The following TSPAN15 variants were observed in gnomAD, a reference collection of about 807,000 sequenced individuals.
The protein encoded by TSPAN15 is tetraspanin 15.
A neutral mutation model predicts 34.5 loss-of-function variants in TSPAN15; 20 were observed. That is an observed-to-expected ratio of 0.58 (90% CI 0.41 to 0.84). The LOEUF (loss-of-function observed/expected upper bound fraction) is 0.84. Among genes scored for constraint, TSPAN15 ranks in the 40% least tolerant of loss-of-function variants. The pLI is 0.00. For missense variants in TSPAN15, 313 were observed against 386.1 expected (o/e 0.81, Z 1.59); for synonymous variants, 155 against 153.9 (o/e 1.01, Z -0.05).
the TSPAN15 span, among the ~76,000 whole-genome samples, chr10:69,529,612 A>G: frequency 6.8e-6 from 1 of 147,910 alleles, no homozygotes; most frequent in African/African-American, 2.5e-5. Flanking sequence ...AATGTTTCTC[A>G]TTGTTAGGTG....
At chr10:69,538,195 G>T in the TSPAN15 span, among the ~76,000 whole-genome samples, 1 of 152,146 alleles carries the variant, frequency 6.6e-6, no homozygotes, top group Admixed American at 6.5e-5. Flanking sequence ...ATGGAGGGGG[G>T]AAACAAACAT....
chr10:69,504,066 G>A (rs760518218), intron 5 of TSPAN15, among the ~76,000 whole-genome samples: 17 of 152,298 alleles, frequency 1.1e-4, no homozygotes, highest in East Asian at 9.6e-4. Context: ...AAGAGCCAGC[G>A]GCGCAGGAAC....
At chr10:69,475,027 C>G (rs1841586763) in intron 1 of TSPAN15, among the ~76,000 whole-genome samples, 1 of 152,162 alleles carries the variant, frequency 6.6e-6, no homozygotes, top group African/African-American at 2.4e-5. Flanking sequence ...ACGCTGGGGA[C>G]ACAGCCTTGG....
chr10:69,481,847 C>G (rs1841741002), intron 1 of TSPAN15, among the ~76,000 whole-genome samples: 1 of 152,210 alleles, frequency 6.6e-6, no homozygotes, highest in South Asian at 2.1e-4. Flanking sequence ...GAACATGAGG[C>G]CCAGAAAGTC....
At position 69,494,361 on chromosome 10, in the gene TSPAN15, A is replaced by G. The variant is rs185638070; in HGVS notation, c.358-1233A>G. Among the ~76,000 whole-genome samples the G allele has an allele frequency of 3.9e-5, 6 of 152,344 alleles. No homozygotes were observed. In the East Asian group the frequency reaches 1.2e-3, roughly 29 times the overall value. On this transcript the variant is annotated intron_variant, in intron 3 of 7. Transcript: ENST00000373290. ...TTGAATAATAACACCAGGACCTACA[A>G]TGTGCCTGGTGTCCTGCTAAACACC...
chr10:69,482,969 TTTTTTTTTG>T (rs774646543), intron 1 of TSPAN15, among the ~76,000 whole-genome samples: 5 of 52,456 alleles, frequency 9.5e-5, no homozygotes, highest in Non-Finnish European at 1.9e-4. Context: ...GGGTTGATTT[TTTTTTTTTG>T]TTGTTGTTGT....
At chr10:69,454,228 A>G (rs776410375) in intron 1 of TSPAN15, among the ~76,000 whole-genome samples, 25 of 152,184 alleles carry the variant, frequency 1.6e-4, no homozygotes, top group Non-Finnish European at 3.5e-4. Context: ...TTTAAAAATT[A>G]CTACTGGGGC....
At chr10:69,522,535 A>G in the TSPAN15 span, among the ~76,000 whole-genome samples, 78 of 146,622 alleles carry the variant, frequency 5.3e-4, 6 homozygotes, top group African/African-American at 1.8e-3. Context: ...GGCTACAGAC[A>G]GGTACTGGTC....
chr10:69,497,164 A>C (rs1842103191), intron 4 of TSPAN15, among the ~76,000 whole-genome samples: 1 of 152,172 alleles, frequency 6.6e-6, no homozygotes, highest in African/African-American at 2.4e-5. Flanking sequence ...ATTGCAAGAC[A>C]AATGCCCTTT....
At chr10:69,454,762 A>C (rs1195900278) in intron 1 of TSPAN15, among the ~76,000 whole-genome samples, 1 of 152,128 alleles carries the variant, frequency 6.6e-6, no homozygotes. Flanking sequence ...GGTTGAAGTG[A>C]GTTGAGATTG....
chr10:69,539,482 GAGAAGAAGA>G, the TSPAN15 span, among the ~76,000 whole-genome samples: 107 of 67,050 alleles, frequency 1.6e-3, 1 homozygote, highest in South Asian at 2.5e-3. Context: ...GAAGGAGAAG[GAGAAGAAGA>G]AGAAGAAGAA....
At chr10:69,548,014 A>G in the TSPAN15 span, among the ~76,000 whole-genome samples, 1 of 152,364 alleles carries the variant, frequency 6.6e-6, no homozygotes, top group Middle Eastern at 3.4e-3. Context: ...GGGGATGAAG[A>G]GCTCTGAAGG....
intron 1 of TSPAN15, among the ~76,000 whole-genome samples, chr10:69,467,991 C>T (rs1031217751): frequency 3.3e-5 from 5 of 152,142 alleles, no homozygotes; most frequent in Non-Finnish European, 4.4e-5. Flanking sequence ...TACTTGCCTA[C>T]GTTGTACCTG....
chr10:69,477,237 T>C (rs111728393), intron 1 of TSPAN15, among the ~76,000 whole-genome samples: 9,419 of 151,924 alleles, frequency 0.062, 1,008 homozygotes, highest in African/African-American at 0.22. Flanking sequence ...CGGGTTCAAG[T>C]GATTCTCCTG....
At position 69,451,481 on chromosome 10, in the gene TSPAN15, AC is replaced by A; in HGVS notation, c.-113del. On this transcript the variant is annotated 5_prime_UTR_variant, in exon 1 of 8. Transcript: ENST00000373290. The stretch of plus-strand genomic sequence containing the variant: ...CGCTCCAGTGTCAGTCCCGGAGAGA[AC>A]GCCGGTGGCGGGGCTGGTAGCCCGG... 2 of 1,289,970 alleles carry A rather than the reference AC, an allele frequency of 1.6e-6. No individual in the cohort carries two copies. Among genetic ancestry groups the A allele is most frequent in the Non-Finnish European group, 2.0e-6 (2 of 1,018,336 alleles). 79.9% of individuals were successfully genotyped at this position (1,289,970 alleles called of 1,614,324 possible).
intron 1 of TSPAN15, among the ~76,000 whole-genome samples, chr10:69,457,278 A>G (rs1336247716): frequency 6.6e-6 from 1 of 152,158 alleles, no homozygotes; most frequent in Non-Finnish European, 1.5e-5. Flanking sequence ...ATGTTGCATG[A>G]TGGTGATTGA....
At chr10:69,504,583 G>T in intron 6 of TSPAN15, 98 bp downstream of exon 6, 2 of 1,268,240 alleles carry the variant, frequency 1.6e-6, no homozygotes, top group South Asian at 2.5e-5. Flanking sequence ...CCTGGCCACT[G>T]AGATTTTCCC....
the TSPAN15 span, among the ~76,000 whole-genome samples, chr10:69,549,356 G>C: frequency 6.6e-6 from 1 of 152,184 alleles, no homozygotes; most frequent in African/African-American, 2.4e-5. Flanking sequence ...CTGAGGAGTT[G>C]AATTCAACTG....
chr10:69,505,683 C>T (rs1176613594), intron 6 of TSPAN15, among the ~76,000 whole-genome samples: 1 of 152,010 alleles, frequency 6.6e-6, no homozygotes, highest in South Asian at 2.1e-4. Context: ...GCTGGGACTG[C>T]AGGCACTGGC....
Sources: allele counts gnomAD v4.1 joint callset (sites outside exome capture counted in the v4.1 genomes callset), GRCh38; gene constraint gnomAD v4.1.1; transcripts MANE v1.5; gene names NCBI Gene and HGNC (gene_info 2026-07-23, HGNC 2026-07-21).